GRM5: variants seen among roughly 807,000 people sequenced by gnomAD.
The protein encoded by GRM5 is glutamate metabotropic receptor 5, also known as metabotropic glutamate receptor 5.
A neutral mutation model predicts 83.1 loss-of-function variants in GRM5; 19 were observed. The observed-to-expected ratio is 0.23, with a 90% confidence interval of 0.16 to 0.34. The LOEUF (loss-of-function observed/expected upper bound fraction) is 0.34, where lower values mean the gene tolerates loss of function less well. Among genes scored for constraint, GRM5 ranks in the 10% least tolerant of loss-of-function variants. The pLI is 1.00. For missense variants in GRM5, 1,160 were observed against 1,588.3 expected, an observed-to-expected ratio of 0.73 and a Z score of 4.58; for synonymous variants, 675 against 633.6, an observed-to-expected ratio of 1.07 and a Z score of -0.98.
At chr11:88,832,884 AAAT>A (rs137942526) in intron 3 of GRM5, among the ~76,000 whole-genome samples, 3,875 of 152,252 alleles carry the variant, frequency 0.025, 170 homozygotes, top group African/African-American at 0.089. Flanking sequence ...CCTTTTCAAT[AAAT>A]AGTGCTGGGA....
At chr11:88,945,609 C>T (rs908000922) in intron 2 of GRM5, among the ~76,000 whole-genome samples, 1 of 152,082 alleles carries the variant, frequency 6.6e-6, no homozygotes, top group African/African-American at 2.4e-5. Context: ...TAATCTTCAA[C>T]AAAATTGACA....
chr11:88,597,634 G>A (rs535799585), intron 5 of GRM5, among the ~76,000 whole-genome samples: 4 of 152,224 alleles, frequency 2.6e-5, no homozygotes, highest in African/African-American at 9.6e-5. Context: ...ATAACTTCAA[G>A]AAGTTTAAAC....
intron 1 of GRM5, among the ~76,000 whole-genome samples, chr11:89,065,227 A>G (rs1204526264): frequency 1.3e-5 from 2 of 151,038 alleles, no homozygotes; most frequent in Non-Finnish European, 2.9e-5. Flanking sequence ...AATGGGCTCA[A>G]AGATAGAGGA....
intron 2 of GRM5, among the ~76,000 whole-genome samples, chr11:88,996,842 A>G (rs1940199918): frequency 6.6e-6 from 1 of 152,238 alleles, no homozygotes; most frequent in Non-Finnish European, 1.5e-5. Context: ...TAACAGAAAG[A>G]TACCAAGAAA....
intron 8 of GRM5, among the ~76,000 whole-genome samples, chr11:88,541,434 A>G (rs1230264632): frequency 6.6e-6 from 1 of 152,182 alleles, no homozygotes; most frequent in East Asian, 1.9e-4. Context: ...GCATATATAA[A>G]TATATAGACA....
intron 2 of GRM5, among the ~76,000 whole-genome samples, chr11:88,888,019 C>A (rs1197474247): frequency 6.6e-6 from 1 of 152,168 alleles, no homozygotes; most frequent in African/African-American, 2.4e-5. Flanking sequence ...CCACCTCCAA[C>A]CATGCCACCA....
intron 2 of GRM5, among the ~76,000 whole-genome samples, chr11:89,015,833 C>T (rs1305072071): frequency 1.3e-5 from 2 of 152,148 alleles, no homozygotes; most frequent in Admixed American, 1.3e-4. Context: ...CCAGGCAGCA[C>T]CTGGCTGTTC....
At chr11:88,588,264 A>T (rs1465591033) in intron 7 of GRM5, among the ~76,000 whole-genome samples, 1 of 152,196 alleles carries the variant, frequency 6.6e-6, no homozygotes, top group Admixed American at 6.5e-5. Context: ...GTGAGCTATG[A>T]TCTAAGTTAT....
At chr11:88,670,270 G>A (rs1267505643) in intron 3 of GRM5, among the ~76,000 whole-genome samples, 1 of 151,714 alleles carries the variant, frequency 6.6e-6, no homozygotes, top group Non-Finnish European at 1.5e-5. Context: ...GACCTAAATA[G>A]GAATGATAAA....
At chr11:88,535,500 A>T (rs1450712528) in intron 8 of GRM5, among the ~76,000 whole-genome samples, 2 of 152,218 alleles carry the variant, frequency 1.3e-5, no homozygotes, top group Non-Finnish European at 2.9e-5. Context: ...GGAAAGGTCG[A>T]AATAAGTAGG....
chr11:88,871,268 C>T (rs2135561680), intron 2 of GRM5, among the ~76,000 whole-genome samples: 1 of 151,470 alleles, frequency 6.6e-6, no homozygotes, highest in Middle Eastern at 3.4e-3. Context: ...GGTCAAATAA[C>T]TATTAAAGGG....
chr11:88,926,350 G>C (rs928475450), intron 2 of GRM5, among the ~76,000 whole-genome samples: 1 of 152,150 alleles, frequency 6.6e-6, no homozygotes, highest in Non-Finnish European at 1.5e-5. Flanking sequence ...ATTACCACTA[G>C]CATGTTGAAA....
chr11:88,569,268 A>G (rs1432624837), intron 7 of GRM5, among the ~76,000 whole-genome samples: 1 of 152,202 alleles, frequency 6.6e-6, no homozygotes, highest in Non-Finnish European at 1.5e-5. Flanking sequence ...CCTGTCAGTT[A>G]GACTTGAAAG....
intron 7 of GRM5, among the ~76,000 whole-genome samples, chr11:88,586,479 C>G (rs149588612): frequency 6.6e-6 from 1 of 152,158 alleles, no homozygotes; most frequent in African/African-American, 2.4e-5. Flanking sequence ...AATGAAGGCA[C>G]TGACCCAAAG....
chr11:88,723,099 G>C (rs1274731450), intron 3 of GRM5, among the ~76,000 whole-genome samples: 1 of 151,442 alleles, frequency 6.6e-6, no homozygotes, highest in Non-Finnish European at 1.5e-5. Flanking sequence ...TCTTTATTCA[G>C]AATGTCATAT....
intron 7 of GRM5, among the ~76,000 whole-genome samples, chr11:88,580,535 A>G (rs560789926): frequency 2.6e-5 from 4 of 152,310 alleles, no homozygotes; most frequent in East Asian, 1.9e-4. Context: ...AAAAGTGTAT[A>G]ATGAAGTGAT....
At chr11:88,943,072 T>C (rs959303356) in intron 2 of GRM5, among the ~76,000 whole-genome samples, 2 of 152,064 alleles carry the variant, frequency 1.3e-5, no homozygotes, top group African/African-American at 4.8e-5. Context: ...TTAATAACTG[T>C]TGTTACTCTG....
chr11:88,891,823 A>T (rs115853524), intron 2 of GRM5, among the ~76,000 whole-genome samples: 3,603 of 152,154 alleles, frequency 0.024, 148 homozygotes, highest in African/African-American at 0.083. Context: ...AGATTGTAAC[A>T]TTGGAAAAAA....
intron 8 of GRM5, among the ~76,000 whole-genome samples, chr11:88,546,665 T>C (rs1386027738): frequency 6.6e-6 from 1 of 152,068 alleles, no homozygotes; most frequent in Non-Finnish European, 1.5e-5. Context: ...GTAGACTAGA[T>C]AGTGAAGAAA....
Sources: allele counts gnomAD v4.1 joint callset (sites outside exome capture counted in the v4.1 genomes callset), GRCh38; gene constraint gnomAD v4.1.1; transcripts MANE v1.5; gene names NCBI Gene and HGNC (gene_info 2026-07-23, HGNC 2026-07-21).